ABHD3: variants seen among roughly 807,000 people sequenced by gnomAD.
ABHD3 encodes abhydrolase domain containing 3, phospholipase, also known as phospholipase ABHD3.
Under a neutral mutation model 48.8 loss-of-function variants are expected in ABHD3, and 46 were observed. The observed-to-expected ratio is 0.94, with a 90% CI of 0.74 to 1.20. The LOEUF (loss-of-function observed/expected upper bound fraction) is 1.20. ABHD3 is among the 50% of genes most tolerant of loss of function. ABHD3 has a pLI of 0.00. For synonymous variants in ABHD3, 192 were observed against 183.7 expected, an observed-to-expected ratio of 1.04 and a Z score of -0.36; for missense variants, 490 against 497.8, an observed-to-expected ratio of 0.98 and a Z score of 0.15.
chr18:21,667,142 C>T (rs1024872164), intron 4 of ABHD3, among the ~76,000 whole-genome samples: 27 of 149,346 alleles, frequency 1.8e-4, no homozygotes, highest in African/African-American at 5.9e-4. Flanking sequence ...GGTGCGATCT[C>T]GGCTGACTGC....
chr18:21,659,040 C>CA (rs2039421398), intron 6 of ABHD3, 130 bp downstream of exon 6: 1 of 871,070 alleles, frequency 1.1e-6, no homozygotes, highest in Admixed American at 3.0e-5. Context: ...GGGGTTTCAC[C>CA]ATGTTGGCCA....
chr18:21,658,995 C>T (rs549911168), intron 6 of ABHD3, among the ~76,000 whole-genome samples, 175 bp downstream of exon 6: 3 of 152,184 alleles, frequency 2.0e-5, no homozygotes, highest in Admixed American at 6.5e-5. Context: ...CACATCACCA[C>T]GGCCAGCTAA....
intron 2 of ABHD3, among the ~76,000 whole-genome samples, chr18:21,703,211 T>TCCC (rs1345676171): frequency 6.6e-4 from 68 of 102,388 alleles, no homozygotes; most frequent in Non-Finnish European, 8.1e-4. Context: ...GGCATCCTTC[T>TCCC]CACCCCACCC....
intron 5 of ABHD3, among the ~76,000 whole-genome samples, chr18:21,660,130 T>TA (rs34163742): frequency 5.2e-4 from 64 of 122,338 alleles, no homozygotes; most frequent in East Asian, 1.9e-3. Flanking sequence ...CACAGCTAAT[T>TA]AAAAAAAAAA....
intron 3 of ABHD3, among the ~76,000 whole-genome samples, chr18:21,689,826 G>C (rs1057072488): frequency 4.6e-5 from 7 of 152,060 alleles, no homozygotes; most frequent in Admixed American, 4.6e-4. Flanking sequence ...AGAGGAGAGA[G>C]AGTTTGAAGT....
intron 4 of ABHD3, among the ~76,000 whole-genome samples, chr18:21,665,038 A>G (rs2039590052): frequency 6.6e-6 from 1 of 151,614 alleles, no homozygotes; most frequent in Admixed American, 6.6e-5. Flanking sequence ...TCTGCCTCCC[A>G]GGTTCAAATG....
chr18:21,696,897 T>C (rs1478660483), intron 3 of ABHD3, among the ~76,000 whole-genome samples: 2 of 151,948 alleles, frequency 1.3e-5, no homozygotes, highest in Admixed American at 1.3e-4. Flanking sequence ...TTATTTACCT[T>C]CCAGGAGGTG....
At chr18:21,677,344 GCCA>G (rs1297765521) in intron 4 of ABHD3, among the ~76,000 whole-genome samples, 1 of 150,688 alleles carries the variant, frequency 6.6e-6, no homozygotes, top group Admixed American at 6.6e-5. Context: ...ACAGGTGCCT[GCCA>G]CCACGCCTGG....
At chr18:21,669,478 C>T (rs2039709335) in intron 4 of ABHD3, among the ~76,000 whole-genome samples, 1 of 152,014 alleles carries the variant, frequency 6.6e-6, no homozygotes. Context: ...TGGTCAATAC[C>T]CAGTTCTTGA....
At position 21,664,229 on chromosome 18, in the gene ABHD3, G is replaced by A. The variant is rs746197455; in HGVS notation, c.557C>T (p.Thr186Met). 1.1e-5 allele frequency: 17 copies of A among 1,608,436 alleles called. No individual in the cohort carries two copies. Among genetic ancestry groups the A allele is most frequent in the South Asian group, 2.2e-5 (2 of 89,390 alleles). The change falls in exon 5 of 9, where the codon ACG (threonine) becomes ATG (methionine). Residue 186 changes from threonine to methionine, a missense_variant and splice_region_variant. Thr to Met is a moderately conservative substitution (Grantham distance 81, BLOSUM62 -1). Coordinates refer to ENST00000289119, the MANE Select transcript of ABHD3 (RefSeq NM_138340.5). ...NRGVAGENLL[T>M]PRTYCCANTE... ...GTTAGCACAACAATAAGTCCTTGGC[G>A]TCTGGAAGTAGTGACAAGTAAAGCA... is the stretch of plus-strand genomic sequence containing the variant.
intron 4 of ABHD3, among the ~76,000 whole-genome samples, chr18:21,666,769 A>C (rs1056708042): frequency 2.0e-5 from 3 of 152,212 alleles, no homozygotes; most frequent in Non-Finnish European, 4.4e-5. Context: ...TTTTCATGTG[A>C]ATGTCATCAA....
At chr18:21,683,995 T>C in intron 3 of ABHD3, 30 bp from the exon 4 acceptor site, 2 of 1,577,868 alleles carry the variant, frequency 1.3e-6, no homozygotes, top group Non-Finnish European at 1.7e-6. Flanking sequence ...TTTTTGTTAT[T>C]TTTACACATG....
At chr18:21,671,021 T>A (rs1445638790) in intron 4 of ABHD3, among the ~76,000 whole-genome samples, 1 of 151,886 alleles carries the variant, frequency 6.6e-6, no homozygotes, top group Non-Finnish European at 1.5e-5. Context: ...CTCAAAAAAA[T>A]AAATAAATGT....
chr18:21,653,124 G>A (rs2039265982), intron 8 of ABHD3, among the ~76,000 whole-genome samples: 1 of 145,254 alleles, frequency 6.9e-6, no homozygotes, highest in South Asian at 2.2e-4. Context: ...AGTGCTTTGG[G>A]AGGCAGAGGC....
chr18:21,686,466 G>T (rs1208385007), intron 3 of ABHD3, among the ~76,000 whole-genome samples: 1 of 152,162 alleles, frequency 6.6e-6, no homozygotes, highest in Non-Finnish European at 1.5e-5. Flanking sequence ...ACTAGTGACG[G>T]GAAAGAAAAA....
At chr18:21,663,820 GA>G in intron 5 of ABHD3, 1 of 1,530,330 alleles carries the variant, frequency 6.5e-7, no homozygotes, top group Non-Finnish European at 8.7e-7. Flanking sequence ...TCAGGAATCA[GA>G]AGGTCAACAT....
intron 8 of ABHD3, chr18:21,655,229 A>G (rs934478098): frequency 6.6e-6 from 1 of 152,084 alleles, no homozygotes; most frequent in Non-Finnish European, 1.5e-5. Context: ...ATCATTTTTT[A>G]AATGAAGTAT....
chr18:21,685,888 G>A (rs544188604), intron 3 of ABHD3, among the ~76,000 whole-genome samples: 5 of 152,204 alleles, frequency 3.3e-5, no homozygotes, highest in Non-Finnish European at 5.9e-5. Context: ...AGTAGAGATG[G>A]GGTTTCCCCA....
At chr18:21,690,594 T>A (rs2040228984) in intron 3 of ABHD3, among the ~76,000 whole-genome samples, 4 of 151,706 alleles carry the variant, frequency 2.6e-5, no homozygotes, top group Admixed American at 2.0e-4. Context: ...AGAGCAAGAC[T>A]GTCTCAAAAA....
Sources: allele counts gnomAD v4.1 joint callset (sites outside exome capture counted in the v4.1 genomes callset), GRCh38; gene constraint gnomAD v4.1.1; transcripts MANE v1.5; gene names NCBI Gene and HGNC (gene_info 2026-07-23, HGNC 2026-07-21).